RGPD2: variants seen among roughly 807,000 people sequenced by gnomAD.
RGPD2 encodes RANBP2-like and GRIP domain-containing protein 2.
RGPD2 carries 2 observed loss-of-function variants against 36.0 expected under a neutral mutation model. The ratio of observed to expected loss-of-function variants is 0.06; its 90% CI spans 0.02 to 0.17. The LOEUF (loss-of-function observed/expected upper bound fraction) is 0.17. RGPD2 is among the 10% of genes least tolerant of loss of function. RGPD2 has a pLI of 1.00. For synonymous variants in RGPD2, 19 were observed against 163.8 expected (o/e 0.12, Z 6.75); for missense variants, 40 against 464.3 (o/e 0.09, Z 8.40).
the RGPD2 span, among the ~76,000 whole-genome samples, chr2:87,866,671 G>A: frequency 6.6e-6 from 1 of 152,240 alleles, no homozygotes; most frequent in African/African-American, 2.4e-5. Flanking sequence ...TCCTGGATGG[G>A]GTGCTTGGGC....
the RGPD2 span, among the ~76,000 whole-genome samples, chr2:87,915,387 A>G: frequency 3.0e-5 from 3 of 98,746 alleles, no homozygotes; most frequent in East Asian, 2.7e-4. Context: ...TATATATTGT[A>G]TATATATGTA....
chr2:87,854,996 C>CTG, the RGPD2 span, among the ~76,000 whole-genome samples: 4 of 151,786 alleles, frequency 2.6e-5, no homozygotes, highest in South Asian at 4.2e-4. Context: ...GGTATGCTGT[C>CTG]CGTGTGTGTG....
chr2:87,846,155 GT>G, the RGPD2 span, among the ~76,000 whole-genome samples: 1 of 151,204 alleles, frequency 6.6e-6, no homozygotes, highest in African/African-American at 2.4e-5. Context: ...TATATGTGGT[GT>G]TTTTTTGGGG....
chr2:87,860,715 G>A, the RGPD2 span, among the ~76,000 whole-genome samples: 1 of 152,292 alleles, frequency 6.6e-6, no homozygotes, highest in Non-Finnish European at 1.5e-5. Context: ...AATGTGTGAT[G>A]TGCAAAGTGT....
chr2:87,919,976 G>A, the RGPD2 span, among the ~76,000 whole-genome samples: 1 of 151,922 alleles, frequency 6.6e-6, no homozygotes, highest in Non-Finnish European at 1.5e-5. Flanking sequence ...CTGCCATAGT[G>A]CATTCCTATA....
chr2:87,956,987 A>T, the RGPD2 span, among the ~76,000 whole-genome samples: 1 of 145,560 alleles, frequency 6.9e-6, no homozygotes, highest in Non-Finnish European at 1.5e-5. Flanking sequence ...CGTTGTCCCC[A>T]TTTTCAACTC....
At chr2:87,977,592 T>A in the RGPD2 span, among the ~76,000 whole-genome samples, 1 of 149,796 alleles carries the variant, frequency 6.7e-6, no homozygotes, top group South Asian at 2.1e-4. Context: ...AATGGGAGGA[T>A]GGCTGGAGCC....
chr2:87,880,212 G>A, the RGPD2 span, among the ~76,000 whole-genome samples: 4 of 151,906 alleles, frequency 2.6e-5, no homozygotes, highest in Non-Finnish European at 5.9e-5. Context: ...TTGGATATTA[G>A]CCACTTACTG....
the RGPD2 span, among the ~76,000 whole-genome samples, chr2:87,966,305 TCA>T: frequency 9.4e-5 from 14 of 149,534 alleles, no homozygotes; most frequent in African/African-American, 3.4e-4. Context: ...ATTCTGATAT[TCA>T]GTCAGGCCAA....
upstream of RGPD2, among the ~76,000 whole-genome samples, chr2:87,827,055 A>G (rs1686830248): frequency 6.7e-6 from 1 of 150,100 alleles, no homozygotes; most frequent in Admixed American, 6.6e-5. Context: ...CAAACTCAGA[A>G]AGACTTTCTC....
At chr2:87,976,582 T>C in the RGPD2 span, among the ~76,000 whole-genome samples, 1 of 152,214 alleles carries the variant, frequency 6.6e-6, no homozygotes, top group East Asian at 1.9e-4. Context: ...AAAATAATAA[T>C]ACCTGGGTTC....
the RGPD2 span, among the ~76,000 whole-genome samples, chr2:87,834,805 T>C: frequency 6.6e-6 from 1 of 151,966 alleles, no homozygotes; most frequent in Non-Finnish European, 1.5e-5. Context: ...AACATGAGGA[T>C]TTTTAAAAAA....
At chr2:87,837,247 C>T in the RGPD2 span, among the ~76,000 whole-genome samples, 1 of 151,532 alleles carries the variant, frequency 6.6e-6, no homozygotes, top group Admixed American at 6.6e-5. Context: ...ACCAAACCTT[C>T]CACCCAACAA....
At chr2:87,841,388 C>T in the RGPD2 span, among the ~76,000 whole-genome samples, 1 of 152,070 alleles carries the variant, frequency 6.6e-6, no homozygotes, top group Non-Finnish European at 1.5e-5. Context: ...ACCTGTTTTC[C>T]TTATAAATTA....
chr2:87,962,023 G>T, the RGPD2 span, among the ~76,000 whole-genome samples: 3 of 61,818 alleles, frequency 4.9e-5, no homozygotes, highest in African/African-American at 9.0e-5. Context: ...TGAGACACTT[G>T]TCTCAAAAAA....
At chr2:87,882,527 G>A in the RGPD2 span, among the ~76,000 whole-genome samples, 1 of 152,186 alleles carries the variant, frequency 6.6e-6, no homozygotes, top group Non-Finnish European at 1.5e-5. Flanking sequence ...AAATCCCATT[G>A]TATGATTCCA....
At chr2:87,883,909 A>G in the RGPD2 span, among the ~76,000 whole-genome samples, 1 of 151,254 alleles carries the variant, frequency 6.6e-6, no homozygotes, top group Non-Finnish European at 1.5e-5. Context: ...AATCAATAAG[A>G]AAACATCAGA....
At chr2:87,891,222 A>AAAAC in the RGPD2 span, among the ~76,000 whole-genome samples, 12 of 45,396 alleles carry the variant, frequency 2.6e-4, no homozygotes, top group African/African-American at 5.6e-4. Flanking sequence ...CAAAAGAAGA[A>AAAAC]AAACAAACAA....
the RGPD2 span, among the ~76,000 whole-genome samples, chr2:87,915,585 T>A: frequency 6.9e-6 from 1 of 144,750 alleles, no homozygotes; most frequent in Non-Finnish European, 1.5e-5. Context: ...TGTGTGTGTA[T>A]ATACACATAT....
Sources: gnomAD v4.1 joint callset for allele counts (sites outside exome capture counted in the v4.1 genomes callset) on GRCh38, gnomAD v4.1.1 for gene constraint, MANE v1.5 for transcripts, NCBI Gene and HGNC (gene_info 2026-07-23, HGNC 2026-07-21) for gene names.